Variants in ABHD3 observed in about 807,000 individuals in gnomAD.
ABHD3 encodes the protein abhydrolase domain containing 3, phospholipase, also known as phospholipase ABHD3.
Under a neutral mutation model 48.8 loss-of-function variants are expected in ABHD3, and 46 were observed. The observed-to-expected ratio is 0.94, with a 90% CI of 0.74 to 1.20. The LOEUF (loss-of-function observed/expected upper bound fraction) is 1.20. ABHD3 is among the 50% of genes most tolerant of loss of function. The pLI is 0.00. For missense variants in ABHD3, 490 were observed against 497.8 expected (o/e 0.98, Z 0.15); for synonymous variants, 192 against 183.7 (o/e 1.04, Z -0.36).
intron 2 of ABHD3, among the ~76,000 whole-genome samples, chr18:21,703,097 G>A (rs938106488): frequency 3.3e-5 from 5 of 151,922 alleles, no homozygotes; most frequent in African/African-American, 1.2e-4. Flanking sequence ...ATAAATCCTG[G>A]ACCGTATCTT....
At chr18:21,686,238 T>C (rs2040126438) in intron 3 of ABHD3, among the ~76,000 whole-genome samples, 1 of 152,260 alleles carries the variant, frequency 6.6e-6, no homozygotes, top group Non-Finnish European at 1.5e-5. Context: ...TGGCAAGATA[T>C]CTTGATATAA....
intron 2 of ABHD3, 103 bp downstream of exon 2, chr18:21,703,481 C>T: frequency 1.4e-6 from 2 of 1,386,270 alleles, no homozygotes; most frequent in Admixed American, 2.0e-5. Flanking sequence ...GTTCTATATA[C>T]TTCCTAAAGC....
chr18:21,680,880 G>A (rs534939265), intron 4 of ABHD3, among the ~76,000 whole-genome samples: 138 of 147,290 alleles, frequency 9.4e-4, no homozygotes, highest in East Asian at 4.2e-3. Context: ...GTGTGTGTGT[G>A]TATATATATA....
chr18:21,704,374 T>A (rs1473107481), intron 1 of ABHD3, 130 bp downstream of exon 1: 1 of 1,020,962 alleles, frequency 9.8e-7, no homozygotes, highest in Non-Finnish European at 1.3e-6. Flanking sequence ...CGCTGGGGGC[T>A]GCCGCTCGGG....
chr18:21,691,878 G>C (rs1322902812), intron 3 of ABHD3, among the ~76,000 whole-genome samples: 1 of 152,096 alleles, frequency 6.6e-6, no homozygotes, highest in Non-Finnish European at 1.5e-5. Context: ...AGTAAAGAAG[G>C]GTTTTCAGGA....
chr18:21,688,801 A>G (rs2040181808), intron 3 of ABHD3, among the ~76,000 whole-genome samples: 1 of 152,210 alleles, frequency 6.6e-6, no homozygotes, highest in Admixed American at 6.5e-5. Flanking sequence ...CAAGTGTGAG[A>G]TACATTGTAA....
In ABHD3 at chr18:21,651,717, G is replaced by C. The variant is rs776846996; in HGVS notation, c.1104C>G (p.Val368=). 4 of 1,602,148 alleles carry C rather than the reference G, an allele frequency of 2.5e-6. No homozygotes were observed. The highest frequency in any genetic ancestry group is 3.4e-6 in the Non-Finnish European group (4 of 1,174,364). Residue 368 remains valine (V), a synonymous_variant, in exon 9 of 9, where the codon GTC becomes GTG. Coordinates refer to ENST00000289119, the MANE Select transcript of ABHD3 (RefSeq NM_138340.5). The part of the protein sequence containing the change: ...TAKQNPNVAL[V]LTSYGGHIGF... ...CAATATGGCCTCCATAAGAAGTAAG[G>C]ACCAAAGCAACATTAGGATTTTGCT...
At chr18:21,703,779 C>G in intron 1 of ABHD3, 32 bp from the exon 2 acceptor site, 1 of 1,596,650 alleles carries the variant, frequency 6.3e-7, no homozygotes, top group African/African-American at 1.3e-5. Context: ...GAGAAGGGCC[C>G]AGAGCAAAGT....
chr18:21,675,643 G>A (rs2039867121), intron 4 of ABHD3, among the ~76,000 whole-genome samples: 1 of 152,036 alleles, frequency 6.6e-6, no homozygotes, highest in Non-Finnish European at 1.5e-5. Flanking sequence ...GCCAGTTCAG[G>A]ATAAGCTGCT....
chr18:21,697,770 T>G (rs1040339450), intron 3 of ABHD3, among the ~76,000 whole-genome samples: 2 of 152,226 alleles, frequency 1.3e-5, no homozygotes, highest in Non-Finnish European at 2.9e-5. Context: ...CCATCCATCC[T>G]GAATTTTGAA....
chr18:21,704,311 C>A (rs1335354444), intron 1 of ABHD3, among the ~76,000 whole-genome samples, 193 bp downstream of exon 1: 1 of 152,120 alleles, frequency 6.6e-6, no homozygotes, highest in Non-Finnish European at 1.5e-5. Context: ...ACCACCCGGC[C>A]GGGACCCCCA....
Position 21,659,163 on chromosome 18 carries a change from G to T in ABHD3, c.842+7C>A. ...CCTGGAGACAACAGATTTTAAAGAT[G>T]ACTCACTTATTAACTGAAGACTGAA... On this transcript the variant is annotated splice_region_variant and intron_variant, in intron 6 of 8. Coordinates refer to ENST00000289119, the MANE Select transcript of ABHD3 (RefSeq NM_138340.5). The T allele has an allele frequency of 6.2e-7, 1 of 1,610,032 alleles. No homozygotes were observed. Among genetic ancestry groups the T allele is most frequent in the Non-Finnish European group, 8.5e-7 (1 of 1,178,520 alleles).
chr18:21,655,907 A>G (rs1257505273), intron 8 of ABHD3, among the ~76,000 whole-genome samples: 7 of 151,918 alleles, frequency 4.6e-5, no homozygotes, highest in Non-Finnish European at 1.0e-4. Context: ...CTGTAATCCC[A>G]ACACTTTGGG....
At chr18:21,696,605 T>C (rs533064011) in intron 3 of ABHD3, among the ~76,000 whole-genome samples, 1 of 152,248 alleles carries the variant, frequency 6.6e-6, no homozygotes, top group Non-Finnish European at 1.5e-5. Flanking sequence ...AACTACTTTA[T>C]CAATCATATA....
chr18:21,679,817 G>A (rs528077011), intron 4 of ABHD3, among the ~76,000 whole-genome samples: 3 of 151,988 alleles, frequency 2.0e-5, no homozygotes, highest in African/African-American at 7.2e-5. Context: ...GAGCCACCGC[G>A]CCTGGCCTAT....
At chr18:21,695,039 C>CTTT (rs1213769453) in intron 3 of ABHD3, among the ~76,000 whole-genome samples, 1 of 149,824 alleles carries the variant, frequency 6.7e-6, no homozygotes, top group African/African-American at 2.4e-5. Context: ...ATATGATTTT[C>CTTT]TTTTTTTTTT....
intron 4 of ABHD3, among the ~76,000 whole-genome samples, chr18:21,667,220 CCCA>C (rs1435274021): frequency 2.1e-5 from 3 of 141,066 alleles, no homozygotes; most frequent in Non-Finnish European, 4.6e-5. Flanking sequence ...ATTACAGGCG[CCCA>C]CCACCACACC....
chr18:21,681,127 T>G (rs1490290430), intron 4 of ABHD3, among the ~76,000 whole-genome samples: 1 of 152,114 alleles, frequency 6.6e-6, no homozygotes, highest in African/African-American at 2.4e-5. Context: ...ACCTGCACAC[T>G]GATAATCTCA....
At chr18:21,688,164 G>C (rs932863776) in intron 3 of ABHD3, among the ~76,000 whole-genome samples, 4 of 152,180 alleles carry the variant, frequency 2.6e-5, no homozygotes, top group Non-Finnish European at 5.9e-5. Context: ...AAAAGTAGCA[G>C]ACTCTGAGCT....
Sources: gnomAD v4.1 joint callset for allele counts (sites outside exome capture counted in the v4.1 genomes callset) on GRCh38, gnomAD v4.1.1 for gene constraint, MANE v1.5 for transcripts, NCBI Gene and HGNC (gene_info 2026-07-23, HGNC 2026-07-21) for gene names.